The following PANK3 variants were observed in gnomAD, a reference collection of about 807,000 sequenced individuals.
The protein encoded by PANK3 is pantothenate kinase 3, also known as hPanK3.
PANK3 carries 20 observed loss-of-function variants against 39.4 expected under a neutral mutation model. That is an observed-to-expected ratio of 0.51 (90% CI 0.36 to 0.74). The LOEUF is 0.74. Ranked by LOEUF, PANK3 falls within the 30% of genes least tolerant of loss-of-function variation. The probability of loss-of-function intolerance (pLI) is 0.00; values close to 1 mark genes in which losing one functional copy is unlikely to be tolerated. For synonymous variants in PANK3, 140 were observed against 157.3 expected (o/e 0.89, Z 0.82); for missense variants, 265 against 437.0 (o/e 0.61, Z 3.51).
chr5:168,575,690 G>T (rs574854707), intron 1 of PANK3, among the ~76,000 whole-genome samples: 5 of 152,148 alleles, frequency 3.3e-5, no homozygotes, highest in African/African-American at 7.2e-5. Flanking sequence ...GGAGGCTGAG[G>T]GGGGAGGATT....
rs1315238193 is a variant in PANK3, at chr5:168,551,280, G to T, written c.*6291C>A. 1 of 152,122 alleles carries T rather than the reference G, an allele frequency of 6.6e-6. No individual in the cohort carries two copies. The highest frequency in any genetic ancestry group is 1.5e-5 in the Non-Finnish European group (1 of 67,996). 9.4% of individuals were successfully genotyped at this position (152,122 alleles called of 1,614,324 possible). ...TAGAATAAACATAAACTTGATCATGGATACCTCATGGCAGATCACTTTAAG... is the reference window on the plus strand; with the variant it reads ...TAGAATAAACATAAACTTGATCATGTATACCTCATGGCAGATCACTTTAAG... On this transcript the variant is annotated 3_prime_UTR_variant, in exon 7 of 7. Transcript: ENST00000239231.
At chr5:168,559,221 T>C (rs1759404232) in intron 5 of PANK3, 64 bp from the exon 6 acceptor site, 1 of 1,085,128 alleles carries the variant, frequency 9.2e-7, no homozygotes, top group South Asian at 1.9e-5. Context: ...AAAAGGTTTC[T>C]AAATATTTAT....
chr5:168,560,574 T>G (rs1759431240), intron 5 of PANK3, among the ~76,000 whole-genome samples: 1 of 152,202 alleles, frequency 6.6e-6, no homozygotes, highest in Non-Finnish European at 1.5e-5. Flanking sequence ...AGATCTTTGT[T>G]TTCTTCATTA....
intron 1 of PANK3, among the ~76,000 whole-genome samples, chr5:168,578,172 G>T (rs980475644): frequency 5.3e-5 from 8 of 152,194 alleles, no homozygotes; most frequent in African/African-American, 1.9e-4. Context: ...TACATGCTTG[G>T]AAAAGTTACT....
chr5:168,574,456 AGGG>A (rs1759699601), intron 1 of PANK3, among the ~76,000 whole-genome samples: 1 of 152,134 alleles, frequency 6.6e-6, no homozygotes, highest in Admixed American at 6.5e-5. Flanking sequence ...CACCAAAATA[AGGG>A]GAGGGCATGA....
rs1759245414 is a variant in PANK3 at position 168,549,681 on chromosome 5, T to C, written c.*7890A>G. Reference sequence around the variant, plus strand: ...GAAATTCTATAAGAAAAAAACTGATTTACCCCAAACATATCATTCAGCACA... The same window carrying C: ...GAAATTCTATAAGAAAAAAACTGATCTACCCCAAACATATCATTCAGCACA... On this transcript the variant is annotated 3_prime_UTR_variant, in exon 7 of 7. Transcript: ENST00000239231. 1 of 152,130 alleles carries C rather than the reference T, an allele frequency of 6.6e-6. No homozygotes were observed. The highest frequency in any genetic ancestry group is 6.6e-5 in the Admixed American group (1 of 15,264). 9.4% of individuals were successfully genotyped at this position (152,130 alleles called of 1,614,324 possible).
At chr5:168,557,989 T>C (rs950834387) in intron 6 of PANK3, among the ~76,000 whole-genome samples, 1 of 152,034 alleles carries the variant, frequency 6.6e-6, no homozygotes, top group Non-Finnish European at 1.5e-5. Flanking sequence ...CACTAAAGCT[T>C]CCAGGACTGT....
At chr5:168,561,971 A>G (rs1468078836) in intron 4 of PANK3, among the ~76,000 whole-genome samples, 1 of 152,240 alleles carries the variant, frequency 6.6e-6, no homozygotes, top group Admixed American at 6.5e-5. Flanking sequence ...ATAAAATACG[A>G]GTAATATATA....
rs1216462861 is a variant in PANK3, at chr5:168,555,879, C to T, written c.*1692G>A. On this transcript the variant is annotated 3_prime_UTR_variant, in exon 7 of 7. Coordinates refer to ENST00000239231, the MANE Select transcript of PANK3 (RefSeq NM_024594.4). ...GCATCCTGCCATTTCATTGTAGTGCCTATCATTTTTCCATTGATACTGATA... is the reference window on the plus strand; with the variant it reads ...GCATCCTGCCATTTCATTGTAGTGCTTATCATTTTTCCATTGATACTGATA... 1 of 152,206 alleles carries T rather than the reference C, an allele frequency of 6.6e-6. No homozygotes were observed. Among genetic ancestry groups the T allele is most frequent in the Non-Finnish European group, 1.5e-5 (1 of 68,048 alleles). 9.4% of individuals were successfully genotyped at this position (152,206 alleles called of 1,614,324 possible). A position where few individuals can be genotyped will look rare whatever the true frequency, so the allele number is the denominator to read the frequency against.
rs2113091739 is a variant in PANK3 at position 168,548,719 on chromosome 5, CA to C, written c.*8851del. 1 of 152,166 alleles carries C rather than the reference CA, an allele frequency of 6.6e-6. No individual in the cohort carries two copies. The highest frequency in any genetic ancestry group is 2.1e-4 in the South Asian group (1 of 4,826). The allele number at this position is 152,166 out of a possible 1,614,324, so 9.4% of individuals were successfully genotyped here. Reference sequence around the variant, plus strand: ...ATACGGGAATGTTTACAGAATGCGCCATGGCAAACATTTTTCAAATTTACAT... The same window carrying C: ...ATACGGGAATGTTTACAGAATGCGCCTGGCAAACATTTTTCAAATTTACAT... On this transcript the variant is annotated 3_prime_UTR_variant, in exon 7 of 7. Coordinates refer to ENST00000239231, the MANE Select transcript of PANK3 (RefSeq NM_024594.4).
Position 168,552,200 on chromosome 5 carries a change from G to A in PANK3, c.*5371C>T, listed in dbSNP as rs961568737. The A allele has an allele frequency of 2.6e-5, 4 of 152,098 alleles. No individual in the cohort carries two copies. Among genetic ancestry groups the A allele is most frequent in the African/African-American group, 7.2e-5 (3 of 41,414 alleles). 9.4% of individuals were successfully genotyped at this position (152,098 alleles called of 1,614,324 possible). On this transcript the variant is annotated 3_prime_UTR_variant, in exon 7 of 7. Coordinates refer to ENST00000239231, the MANE Select transcript of PANK3 (RefSeq NM_024594.4). Reference sequence around the variant, plus strand: ...TTACAAAGATTTTTCTGTGTACAGAGGTCTACAATGCATTAAAGTTTCTTT... The same window carrying A: ...TTACAAAGATTTTTCTGTGTACAGAAGTCTACAATGCATTAAAGTTTCTTT...
At position 168,557,594 on chromosome 5, in the gene PANK3, G is replaced by T. The variant is rs1478800974; in HGVS notation, c.1090C>A (p.Leu364Ile). 2 of 1,613,968 alleles carry T rather than the reference G, an allele frequency of 1.2e-6. No individual in the cohort carries two copies. The highest frequency in any genetic ancestry group is 1.7e-6 in the Non-Finnish European group (2 of 1,179,930). ...CTTTAGCTGAAATTTGGCAGCCCAA[G>T]AAGTGCACCAACTGCTCCAAAGTAA... ...EGYFGAVGALLGLPNFS is the reference protein window; with the variant it reads ...EGYFGAVGALIGLPNFS The change falls in exon 7 of 7, where the codon CTT becomes ATT. Residue 364 changes from leucine (L) to isoleucine (I), a missense_variant. Transcript: ENST00000239231.
intron 1 of PANK3, among the ~76,000 whole-genome samples, chr5:168,571,083 A>AG (rs1759622987): frequency 6.6e-6 from 1 of 152,222 alleles, no homozygotes; most frequent in South Asian, 2.1e-4. Context: ...ATTATACTAT[A>AG]GTCAGATCTA....
intron 6 of PANK3, among the ~76,000 whole-genome samples, chr5:168,558,183 C>A (rs900740766): frequency 7.1e-6 from 1 of 140,374 alleles, no homozygotes; most frequent in East Asian, 2.2e-4. Flanking sequence ...TAGACAGTCT[C>A]GCTATCACCC....
intron 3 of PANK3, among the ~76,000 whole-genome samples, chr5:168,564,965 C>G (rs1759502136): frequency 6.6e-6 from 1 of 152,194 alleles, no homozygotes; most frequent in Non-Finnish European, 1.5e-5. Flanking sequence ...AATTCCTAAA[C>G]TGTAAACCTT....
chr5:168,575,770 T>G (rs1759720394), intron 1 of PANK3, among the ~76,000 whole-genome samples: 2 of 151,220 alleles, frequency 1.3e-5, no homozygotes. Context: ...TGGGTGACAG[T>G]GTGAGATCGC....
intron 2 of PANK3, among the ~76,000 whole-genome samples, chr5:168,568,272 T>C (rs554801062): frequency 6.6e-6 from 1 of 152,314 alleles, no homozygotes; most frequent in African/African-American, 2.4e-5. Context: ...CCCTGGAAGA[T>C]TAATATTATT....
chr5:168,559,107 G>T lies in PANK3; in HGVS notation c.987C>A (p.Leu329=). The change falls in exon 6 of 7, where the codon CTC becomes CTA. Residue 329 remains leucine (L), a synonymous_variant. Transcript: ENST00000239231. ...FVGNFLRVNT[L]SMKLLAYALD... ...GTGCATATGCCAAAAGTTTCATTGAGAGGGTATTGACACGTAAAAAGTTTC... is the reference window on the plus strand; with the variant it reads ...GTGCATATGCCAAAAGTTTCATTGATAGGGTATTGACACGTAAAAAGTTTC... The T allele has an allele frequency of 6.2e-7, 1 of 1,605,214 alleles. No homozygotes were observed. The highest frequency in any genetic ancestry group is 1.1e-5 in the South Asian group (1 of 90,406).
Position 168,557,524 on chromosome 5 carries a change from A to G in PANK3, c.*47T>C. 1.3e-6 allele frequency: 2 copies of G among 1,547,446 alleles called. No homozygotes were observed. Among genetic ancestry groups the G allele is most frequent in the South Asian group, 2.2e-5 (2 of 89,036 alleles). On this transcript the variant is annotated 3_prime_UTR_variant, in exon 7 of 7. Coordinates refer to ENST00000239231, the MANE Select transcript of PANK3 (RefSeq NM_024594.4). ...ATGCAGTAATAATGCCTCTGGTTTT[A>G]GTTCCTCTTGGATGACATTTATTAG...
Sources: allele counts gnomAD v4.1 joint callset (sites outside exome capture counted in the v4.1 genomes callset), GRCh38; gene constraint gnomAD v4.1.1; transcripts MANE v1.5; gene names NCBI Gene and HGNC (gene_info 2026-07-23, HGNC 2026-07-21).